SRBD1: variants seen among roughly 807,000 people sequenced by gnomAD.
SRBD1 encodes S1 RNA binding domain 1.
Under a neutral mutation model 115.3 loss-of-function variants are expected in SRBD1, and 88 were observed. The ratio of observed to expected loss-of-function variants is 0.76; its 90% CI spans 0.64 to 0.91. The LOEUF is 0.91. Among genes scored for constraint, SRBD1 ranks in the 40% least tolerant of loss-of-function variants. The probability of loss-of-function intolerance (pLI) is 0.00; values close to 1 mark genes in which losing one functional copy is unlikely to be tolerated. For synonymous variants in SRBD1, 509 were observed against 407.7 expected, an observed-to-expected ratio of 1.25 and a Z score of -2.99; for missense variants, 1,385 against 1,177.4, an observed-to-expected ratio of 1.18 and a Z score of -2.58.
intron 20 of SRBD1, among the ~76,000 whole-genome samples, chr2:45,390,176 T>G (rs1666958456): frequency 6.6e-6 from 1 of 152,226 alleles, no homozygotes; most frequent in Admixed American, 6.5e-5. Flanking sequence ...CATTTATGGA[T>G]TCTTGATTAT....
chr2:45,553,958 G>C lies in SRBD1; in HGVS notation c.1410-228C>G, dbSNP rs563649929. On this transcript the variant is annotated intron_variant, in intron 10 of 20. Transcript: ENST00000263736. Reference sequence around the variant, plus strand: ...CTATCTATGGTCAGATATAAAACAAGGAAAAAATTTCCTCTTCAGTAAAGG... The same window carrying C: ...CTATCTATGGTCAGATATAAAACAACGAAAAAATTTCCTCTTCAGTAAAGG... Among the ~76,000 whole-genome samples the C allele has an allele frequency of 8.5e-5, 13 of 152,134 alleles. No individual in the cohort carries two copies. The East Asian group carries it at 2.5e-3, about 29-fold the overall frequency.
chr2:45,605,903 CAA>C (rs574003489), intron 1 of SRBD1, among the ~76,000 whole-genome samples: 5 of 63,866 alleles, frequency 7.8e-5, no homozygotes, highest in Admixed American at 1.6e-4. Context: ...GACTCGGTCT[CAA>C]AAAAAAAAAA....
At chr2:45,532,329 C>T (rs1671638302) in intron 14 of SRBD1, among the ~76,000 whole-genome samples, 1 of 151,820 alleles carries the variant, frequency 6.6e-6, no homozygotes, top group East Asian at 1.9e-4. Context: ...AACCAATTTA[C>T]TTTAAAAGGC....
chr2:45,406,317 T>C (rs760734786), intron 19 of SRBD1, among the ~76,000 whole-genome samples: 4 of 152,110 alleles, frequency 2.6e-5, no homozygotes, highest in African/African-American at 4.8e-5. Context: ...GTTTTGAGTT[T>C]TTTCAGTGAG....
At chr2:45,531,929 G>A (rs4952765) in intron 14 of SRBD1, among the ~76,000 whole-genome samples, 1 of 151,488 alleles carries the variant, frequency 6.6e-6, no homozygotes, top group Non-Finnish European at 1.5e-5. Flanking sequence ...GACACTGCCT[G>A]TTATTCTTTC....
At chr2:45,437,855 A>G (rs1476745166) in intron 16 of SRBD1, among the ~76,000 whole-genome samples, 1 of 152,220 alleles carries the variant, frequency 6.6e-6, no homozygotes, top group Non-Finnish European at 1.5e-5. Context: ...TATGGCAATG[A>G]CTTTTTTAGA....
rs1424536389 is a variant in SRBD1 at position 45,553,720 on chromosome 2, G to C, written c.1420C>G (p.Arg474Gly). The stretch of plus-strand genomic sequence containing the variant: ...ATTAACTCTGGCCTTGCAAAGCTAC[G>C]TGGTCTCCACCTGCAAAACAGAAAA... ...RWCIQNRWRP[R>G]SFARPELMKI... The change falls in exon 11 of 21, where the codon CGT (arginine) becomes GGT (glycine). Residue 474 changes from arginine (R) to glycine (G), a missense_variant. By Grantham distance (125) the Arg-to-Gly change is moderately radical. Coordinates refer to ENST00000263736, the MANE Select transcript of SRBD1 (RefSeq NM_018079.5). 1.3e-6 allele frequency: 2 copies of C among 1,588,772 alleles called. No individual in the cohort carries two copies. The highest frequency in any genetic ancestry group is 2.7e-5 in the African/African-American group (2 of 73,936).
chr2:45,586,177 C>T (rs1673516014), intron 4 of SRBD1, among the ~76,000 whole-genome samples: 1 of 152,170 alleles, frequency 6.6e-6, no homozygotes, highest in African/African-American at 2.4e-5. Context: ...TGAAAATTTA[C>T]AATGCATAAA....
intron 14 of SRBD1, among the ~76,000 whole-genome samples, chr2:45,540,843 TA>T (rs1164853700): frequency 2.1e-4 from 32 of 152,360 alleles, no homozygotes; most frequent in Admixed American, 6.5e-4. Context: ...CTAGGGCAGC[TA>T]AATTTAAAAG....
At chr2:45,536,960 T>C (rs1347180309) in intron 14 of SRBD1, among the ~76,000 whole-genome samples, 2 of 152,182 alleles carry the variant, frequency 1.3e-5, no homozygotes. Context: ...TACACATATA[T>C]ACATGTAACC....
intron 4 of SRBD1, among the ~76,000 whole-genome samples, chr2:45,591,215 A>C (rs1558499673): frequency 6.6e-6 from 1 of 152,138 alleles, no homozygotes; most frequent in African/African-American, 2.4e-5. Context: ...CCTGCACTAC[A>C]TGGATCAGAT....
intron 17 of SRBD1, 146 bp from the exon 18 acceptor site, chr2:45,418,687 A>AC (rs1491023203): frequency 2.3e-6 from 1 of 434,030 alleles, no homozygotes; most frequent in Non-Finnish European, 3.5e-6. Flanking sequence ...AAAAAAAAAA[A>AC]CAAAAAAAAA....
chr2:45,465,170 C>T (rs1669446530), intron 16 of SRBD1, among the ~76,000 whole-genome samples: 1 of 152,090 alleles, frequency 6.6e-6, no homozygotes, highest in Non-Finnish European at 1.5e-5. Context: ...GCTGCACAAC[C>T]TCCTGTGTAC....
chr2:45,586,400 A>G (rs188290456), intron 4 of SRBD1, among the ~76,000 whole-genome samples: 28 of 152,350 alleles, frequency 1.8e-4, no homozygotes, highest in Admixed American at 1.0e-3. Flanking sequence ...AGGCAGCTCT[A>G]TATGAACTAA....
At chr2:45,477,681 T>A (rs1013518723) in intron 15 of SRBD1, among the ~76,000 whole-genome samples, 3 of 152,108 alleles carry the variant, frequency 2.0e-5, no homozygotes, top group Admixed American at 2.0e-4. Context: ...CTCCAAAGTG[T>A]TGGGATTAGA....
intron 16 of SRBD1, among the ~76,000 whole-genome samples, chr2:45,465,984 T>C (rs1313768585): frequency 6.6e-6 from 1 of 152,186 alleles, no homozygotes; most frequent in Non-Finnish European, 1.5e-5. Context: ...ACCAATAATC[T>C]ACCATGCATT....
chr2:45,546,299 T>C (rs1672117283), intron 14 of SRBD1: 1 of 985,344 alleles, frequency 1.0e-6, no homozygotes, highest in African/African-American at 1.7e-5. Context: ...GAAATACTTT[T>C]TAATTCATAA....
chr2:45,546,648 A>G (rs1318201093), intron 14 of SRBD1, 84 bp downstream of exon 14: 2 of 1,333,298 alleles, frequency 1.5e-6, no homozygotes, highest in African/African-American at 2.9e-5. Context: ...GTACATCTTA[A>G]AAAGAGAAGG....
chr2:45,488,225 T>C lies in SRBD1; in HGVS notation c.1966+15A>G. ...TCAAAATCACATGTTTTTGTGATGG[T>C]CCATAGTTTCTTACCTGCACTTCTC... On this transcript the variant is annotated intron_variant, in intron 15 of 20. Coordinates refer to ENST00000263736, the MANE Select transcript of SRBD1 (RefSeq NM_018079.5). 1.2e-6 allele frequency: 2 copies of C among 1,608,314 alleles called. No individual in the cohort carries two copies. Among genetic ancestry groups the C allele is most frequent in the African/African-American group, 1.3e-5 (1 of 74,900 alleles).
Sources: allele counts gnomAD v4.1 joint callset (sites outside exome capture counted in the v4.1 genomes callset), GRCh38; gene constraint gnomAD v4.1.1; transcripts MANE v1.5; gene names NCBI Gene and HGNC (gene_info 2026-07-23, HGNC 2026-07-21).